MAK: variants seen among roughly 807,000 people sequenced by gnomAD.
MAK encodes male germ cell associated kinase, also known as serine/threonine-protein kinase MAK.
In MAK, 65 loss-of-function variants were observed where a neutral mutation model predicts 82.6. That is an observed-to-expected ratio of 0.79 (90% confidence interval 0.64 to 0.97). The LOEUF (loss-of-function observed/expected upper bound fraction) is 0.97. Among genes scored for constraint, MAK ranks in the 50% least tolerant of loss-of-function variants. MAK has a pLI of 0.00. For synonymous variants in MAK, 250 were observed against 274.2 expected (o/e 0.91, Z 0.87); for missense variants, 703 against 780.2 (o/e 0.90, Z 1.18).
intron 10 of MAK, among the ~76,000 whole-genome samples, chr6:10,785,603 C>T (rs979728576): frequency 2.1e-4 from 32 of 152,368 alleles, no homozygotes; most frequent in Middle Eastern, 3.4e-3. Context: ...TGGGAACAGT[C>T]CCGCCATTTC....
At chr6:10,765,529 G>A (rs998604004) in intron 14 of MAK, among the ~76,000 whole-genome samples, 2 of 147,740 alleles carry the variant, frequency 1.4e-5, no homozygotes, top group South Asian at 2.1e-4. Context: ...GTGCGATCTC[G>A]GCTCACTGCA....
rs572867029 is a variant in MAK, at chr6:10,803,851, T to C, written c.532A>G (p.Ser178Gly). 1.2e-6 allele frequency: 2 copies of C among 1,614,078 alleles called. No homozygotes were observed. Among genetic ancestry groups the C allele is most frequent in the Admixed American group, 3.3e-5 (2 of 60,014 alleles). ...ACAGCCCACACATCAATGGGAGAAC[T>C]ATAAACTGAAGATCTCAGTAAAACT... Reference protein sequence around the residue: ...PEVLLRSSVYSSPIDVWAVGS... With the variant: ...PEVLLRSSVYGSPIDVWAVGS... The change falls in exon 7 of 15, where the codon AGT becomes GGT. Residue 178 changes from serine to glycine, a missense_variant. Transcript: ENST00000354489.
intron 6 of MAK, among the ~76,000 whole-genome samples, chr6:10,807,403 C>T (rs1423815586): frequency 1.4e-4 from 18 of 130,648 alleles, no homozygotes; most frequent in Non-Finnish European, 2.2e-4. Flanking sequence ...AGTTCAGTGG[C>T]GCAATCTCGG....
intron 11 of MAK, among the ~76,000 whole-genome samples, chr6:10,784,114 G>T (rs1190352640): frequency 1.3e-5 from 2 of 152,074 alleles, no homozygotes; most frequent in Non-Finnish European, 2.9e-5. Flanking sequence ...GTTGTAATGG[G>T]GGCATAGAAT....
intron 10 of MAK, among the ~76,000 whole-genome samples, chr6:10,788,558 A>G (rs893861135): frequency 3.9e-5 from 6 of 151,944 alleles, no homozygotes; most frequent in African/African-American, 1.5e-4. Context: ...ATGGTGAAAC[A>G]CTGTCTCTAT....
intron 9 of MAK, among the ~76,000 whole-genome samples, chr6:10,794,004 A>G (rs1379116362): frequency 6.6e-6 from 1 of 152,192 alleles, no homozygotes; most frequent in African/African-American, 2.4e-5. Context: ...ATAGGAACTG[A>G]GAGTTATCAG....
At chr6:10,799,156 T>G (rs978738954) in intron 8 of MAK, among the ~76,000 whole-genome samples, 2 of 152,182 alleles carry the variant, frequency 1.3e-5, no homozygotes, top group Non-Finnish European at 2.9e-5. Flanking sequence ...TGATTAACTT[T>G]CAATGTACAG....
Position 10,807,715 on chromosome 6 carries a change from T to C in MAK, c.491+1095A>G, listed in dbSNP as rs576540355. Among the ~76,000 whole-genome samples the C allele has an allele frequency of 7.9e-5, 12 of 152,130 alleles. 1 individual carries two copies. In the South Asian group the frequency reaches 2.3e-3, roughly 29 times the overall value. On this transcript the variant is annotated intron_variant, in intron 6 of 14. Transcript: ENST00000354489. Reference sequence around the variant, plus strand: ...GAGGCATGTGTTGTAAGAGTAGAGCTTGATGAATTTTCACAAATACAACAC... The same window carrying C: ...GAGGCATGTGTTGTAAGAGTAGAGCCTGATGAATTTTCACAAATACAACAC...
At chr6:10,791,884 T>G in intron 9 of MAK, 37 bp from the exon 10 acceptor site, 1 of 1,602,910 alleles carries the variant, frequency 6.2e-7, no homozygotes, top group Non-Finnish European at 8.5e-7. Context: ...TCTTTAATCA[T>G]GTACTGAATG....
intron 13 of MAK, among the ~76,000 whole-genome samples, chr6:10,771,273 G>C (rs1772989223): frequency 6.6e-6 from 1 of 151,874 alleles, no homozygotes; most frequent in African/African-American, 2.4e-5. Context: ...TGGAGGAAGA[G>C]AACAGGTAGA....
chr6:10,812,961 C>T (rs1368898036), intron 5 of MAK, among the ~76,000 whole-genome samples: 2 of 146,144 alleles, frequency 1.4e-5, no homozygotes, highest in Admixed American at 1.4e-4. Flanking sequence ...GATGGGGTTT[C>T]ACCATGTTGG....
rs1160181936 is a variant in MAK, at chr6:10,808,238, CTT to C, written c.491+570_491+571del. On this transcript the variant is annotated intron_variant, in intron 6 of 14. Transcript: ENST00000354489. ...TAAATGAAATCATATGGTATGTGCT[CTT>C]TTTCTCTTTGGGCTCTTGATCTCAA... Among the ~76,000 whole-genome samples, 2 of 152,100 alleles carry C rather than the reference CTT, an allele frequency of 1.3e-5. 1 individual carries two copies. Among genetic ancestry groups the C allele is most frequent in the African/African-American group, 4.8e-5 (2 of 41,398 alleles).
chr6:10,805,320 G>A (rs1249833925), intron 6 of MAK, among the ~76,000 whole-genome samples: 2 of 152,118 alleles, frequency 1.3e-5, no homozygotes, highest in Non-Finnish European at 2.9e-5. Flanking sequence ...AGGCACAGTG[G>A]CTCACACCTG....
chr6:10,819,017 C>T (rs956808417), intron 2 of MAK, 77 bp from the exon 3 acceptor site: 2 of 802,298 alleles, frequency 2.5e-6, no homozygotes, highest in Non-Finnish European at 4.3e-6. Flanking sequence ...GGCTTTCTTA[C>T]TCCACTACTG....
Position 10,808,816 on chromosome 6 carries a change from G to T in MAK, c.485C>A (p.Thr162Asn). ...SQPPYTDYVSTRWYRAPEVLL... is the reference protein window; with the variant it reads ...SQPPYTDYVSNRWYRAPEVLL... Reference sequence around the variant, plus strand: ...CTGCATAACCCCTACTCACCATCTGGTAGATACATAATCAGTGTATGGTGG... The same window carrying T: ...CTGCATAACCCCTACTCACCATCTGTTAGATACATAATCAGTGTATGGTGG... Residue 162 changes from threonine to asparagine, a missense_variant, in exon 6 of 15, where the codon ACC (threonine) becomes AAC (asparagine). Coordinates refer to ENST00000354489, the MANE Select transcript of MAK (RefSeq NM_001242957.3). The T allele has an allele frequency of 6.2e-7, 1 of 1,613,838 alleles. No homozygotes were observed. The highest frequency in any genetic ancestry group is 8.5e-7 in the Non-Finnish European group (1 of 1,179,932).
Position 10,764,243 on chromosome 6 carries a change from C to G in MAK, c.*209G>C. ...ATTCAATACTTTGTAACATCCTACCCATATATCAACACTGTGGGCAATGAT... is the reference window on the plus strand; with the variant it reads ...ATTCAATACTTTGTAACATCCTACCGATATATCAACACTGTGGGCAATGAT... On this transcript the variant is annotated 3_prime_UTR_variant, in exon 15 of 15. Transcript: ENST00000354489. 1.7e-6 allele frequency: 1 copy of G among 574,902 alleles called. No individual in the cohort carries two copies. The highest frequency in any genetic ancestry group is 3.1e-6 in the Non-Finnish European group (1 of 324,090). The allele number at this position is 574,902 out of a possible 1,614,324, so 35.6% of individuals were successfully genotyped here. A position where few individuals can be genotyped will look rare whatever the true frequency, so the allele number is the denominator to read the frequency against.
At position 10,763,653 on chromosome 6, in the gene MAK, T is replaced by G. The variant is rs1233591228; in HGVS notation, c.*799A>C. The G allele has an allele frequency of 1.3e-5, 2 of 151,874 alleles. No individual in the cohort carries two copies. The highest frequency in any genetic ancestry group is 2.9e-5 in the Non-Finnish European group (2 of 68,060). The allele number at this position is 151,874 out of a possible 1,614,324, so 9.4% of individuals were successfully genotyped here. On this transcript the variant is annotated 3_prime_UTR_variant, in exon 15 of 15. Coordinates refer to ENST00000354489, the MANE Select transcript of MAK (RefSeq NM_001242957.3). ...TGAGGTCAGGAGTTTGAGACCAGCC[T>G]GAGCCTGACCAACATGGTGAAACCC...
rs73721396 is a variant in MAK, at chr6:10,826,175, C to T, written c.101+4373G>A. The stretch of plus-strand genomic sequence containing the variant: ...TCAGTTACTCAGCCCCAGTTAGGCC[C>T]TCACACACTCTCTCTCGCCTCCAGG... On this transcript the variant is annotated intron_variant, in intron 2 of 14. Coordinates refer to ENST00000354489, the MANE Select transcript of MAK (RefSeq NM_001242957.3). Among the ~76,000 whole-genome samples the T allele has an allele frequency of 4.8e-3, 731 of 152,274 alleles. 8 individuals carry two copies. The highest frequency in any genetic ancestry group is 0.017 in the African/African-American group (690 of 41,554).
chr6:10,815,047 A>T (rs1386509274), intron 4 of MAK, among the ~76,000 whole-genome samples: 12 of 151,890 alleles, frequency 7.9e-5, no homozygotes, highest in African/African-American at 1.4e-4. Flanking sequence ...AAAAAAAAAA[A>T]AAATAAAGAA....
Sources: gnomAD v4.1 joint callset for allele counts (sites outside exome capture counted in the v4.1 genomes callset) on GRCh38, gnomAD v4.1.1 for gene constraint, MANE v1.5 for transcripts, NCBI Gene and HGNC (gene_info 2026-07-23, HGNC 2026-07-21) for gene names.